KRABD5: variants seen among roughly 807,000 people sequenced by gnomAD.
KRABD5 encodes KRAB domain containing 5.
chr16:31,718,485 A>G, the KRABD5 span, among the ~76,000 whole-genome samples: 1 of 152,198 alleles, frequency 6.6e-6, no homozygotes, highest in Non-Finnish European at 1.5e-5. Flanking sequence ...GAGCTGCTGC[A>G]GTTCTGTGAG....
chr16:31,749,217 G>A, the KRABD5 span, among the ~76,000 whole-genome samples: 10 of 152,146 alleles, frequency 6.6e-5, no homozygotes, highest in African/African-American at 2.4e-4. Context: ...CCTGGGTCAG[G>A]CCTGAAGAGG....
At chr16:31,753,922 G>T in the KRABD5 span, 1 of 1,550,804 alleles carries the variant, frequency 6.4e-7, no homozygotes, top group Admixed American at 2.0e-5. Flanking sequence ...GGTCACAATG[G>T]ATATTATGAT....
chr16:31,754,657 C>T, the KRABD5 span: 1 of 460,160 alleles, frequency 2.2e-6, no homozygotes, highest in South Asian at 1.5e-5. Flanking sequence ...AAACTTTTAT[C>T]CAGTCATCAA....
At chr16:31,713,772 C>T in the KRABD5 span, among the ~76,000 whole-genome samples, 7 of 152,162 alleles carry the variant, frequency 4.6e-5, no homozygotes, top group African/African-American at 1.7e-4. Context: ...ATACTGTGCC[C>T]CGTGGTGTCC....
the KRABD5 span, among the ~76,000 whole-genome samples, chr16:31,718,581 T>C: frequency 6.6e-6 from 1 of 152,158 alleles, no homozygotes; most frequent in African/African-American, 2.4e-5. Context: ...GCCACAACTG[T>C]CCAGAGCCGT....
chr16:31,742,637 G>A, the KRABD5 span, among the ~76,000 whole-genome samples: 3 of 152,142 alleles, frequency 2.0e-5, no homozygotes, highest in East Asian at 1.9e-4. Context: ...TGCATGTGTC[G>A]TTATAGTAGA....
chr16:31,751,430 T>G, the KRABD5 span, among the ~76,000 whole-genome samples: 1 of 152,334 alleles, frequency 6.6e-6, no homozygotes, highest in Non-Finnish European at 1.5e-5. Flanking sequence ...TTTTGGTTGG[T>G]AAATTTTTTA....
chr16:31,736,756 G>A, the KRABD5 span, among the ~76,000 whole-genome samples: 3 of 152,092 alleles, frequency 2.0e-5, no homozygotes, highest in South Asian at 6.2e-4. Context: ...CTGACCTCAG[G>A]TGATCCACCC....
chr16:31,740,354 G>T, the KRABD5 span, among the ~76,000 whole-genome samples: 110 of 152,282 alleles, frequency 7.2e-4, no homozygotes, highest in Non-Finnish European at 1.1e-3. Context: ...CAAGTCTGCT[G>T]TTGAACCCTC....
At chr16:31,717,509 G>C in the KRABD5 span, among the ~76,000 whole-genome samples, 1 of 152,134 alleles carries the variant, frequency 6.6e-6, no homozygotes, top group Non-Finnish European at 1.5e-5. Flanking sequence ...AAAAACCACA[G>C]ATGGCCTCCC....
the KRABD5 span, chr16:31,754,091 T>G: frequency 2.7e-6 from 2 of 733,562 alleles, no homozygotes; most frequent in Middle Eastern, 2.3e-4. Context: ...CCTTTTCTTT[T>G]AAAGGAAATT....
chr16:31,753,783 A>G, the KRABD5 span: 3 of 1,512,608 alleles, frequency 2.0e-6, no homozygotes, highest in East Asian at 7.4e-5. Flanking sequence ...TTCTCATGAT[A>G]CTCAAGGCCT....
chr16:31,753,123 C>G, the KRABD5 span, among the ~76,000 whole-genome samples: 1 of 152,150 alleles, frequency 6.6e-6, no homozygotes, highest in Non-Finnish European at 1.5e-5. Flanking sequence ...CCATCAGGTA[C>G]TCTAGTCATT....
chr16:31,744,835 G>A, the KRABD5 span, among the ~76,000 whole-genome samples: 1 of 61,788 alleles, frequency 1.6e-5, no homozygotes, highest in Non-Finnish European at 3.1e-5. Context: ...ACTTCTTCCT[G>A]GTTTAGTATT....
chr16:31,736,517 C>CTT, the KRABD5 span, among the ~76,000 whole-genome samples: 159 of 128,490 alleles, frequency 1.2e-3, 2 homozygotes, highest in Admixed American at 2.3e-3. Flanking sequence ...TAATAATATT[C>CTT]TTTTTTTTTT....
the KRABD5 span, among the ~76,000 whole-genome samples, chr16:31,753,610 T>G: frequency 6.6e-6 from 1 of 152,186 alleles, no homozygotes; most frequent in Non-Finnish European, 1.5e-5. Context: ...CTATTACATT[T>G]AAGTTCATAT....
the KRABD5 span, among the ~76,000 whole-genome samples, chr16:31,748,435 C>G: frequency 1.3e-5 from 2 of 152,200 alleles, no homozygotes; most frequent in Non-Finnish European, 2.9e-5. Context: ...ATGCCTCCAG[C>G]TTTGTTCTTT....
chr16:31,713,326 C>T, the KRABD5 span: 4 of 1,500,840 alleles, frequency 2.7e-6, no homozygotes, highest in Non-Finnish European at 3.6e-6. Context: ...TCTGGGAGGC[C>T]AAGGCGGCTT....
chr16:31,755,684 C>T, the KRABD5 span: 28 of 449,142 alleles, frequency 6.2e-5, no homozygotes, highest in Middle Eastern at 6.7e-4. Flanking sequence ...AACCCTTACT[C>T]GACATAAAAG....
Sources: gnomAD v4.1 joint callset for allele counts (sites outside exome capture counted in the v4.1 genomes callset) on GRCh38, gnomAD v4.1.1 for gene constraint, MANE v1.5 for transcripts, NCBI Gene and HGNC (gene_info 2026-07-23, HGNC 2026-07-21) for gene names.